The following ABHD12 variants were observed in gnomAD, a reference collection of about 807,000 sequenced individuals.
ABHD12 encodes abhydrolase domain containing 12, lysophospholipase.
ABHD12 carries 43 observed loss-of-function variants against 58.3 expected under a neutral mutation model. The ratio of observed to expected loss-of-function variants is 0.74; its 90% CI spans 0.58 to 0.95. The LOEUF (loss-of-function observed/expected upper bound fraction) is 0.95. Among genes scored for constraint, ABHD12 ranks in the 40% least tolerant of loss-of-function variants. The pLI, the probability that ABHD12 is intolerant of heterozygous loss-of-function variation, is 0.00. For missense variants in ABHD12, 539 were observed against 537.2 expected (o/e 1.00, Z -0.03); for synonymous variants, 219 against 211.2 (o/e 1.04, Z -0.32).
At chr20:25,389,884 GT>G (rs2090145821) in intron 1 of ABHD12, 1 of 152,204 alleles carries the variant, frequency 6.6e-6, no homozygotes, top group South Asian at 2.1e-4. Flanking sequence ...TTCCCCAAAG[GT>G]CCCCGAGTTC....
chr20:25,390,635 G>A lies in ABHD12; in HGVS notation c.69C>T (p.Ser23=), dbSNP rs1054346768. The A allele has an allele frequency of 1.7e-5, 24 of 1,453,100 alleles. No individual in the cohort carries two copies. Among genetic ancestry groups the A allele is most frequent in the Middle Eastern group, 4.5e-4 (2 of 4,404 alleles). 90.0% of individuals were successfully genotyped at this position (1,453,100 alleles called of 1,614,324 possible). ...CGTCCAGCGCCGCGGCGGCCGAGCCGGAGGAGGACGAGCCCGCGGCGGCGC... is the reference window on the plus strand; with the variant it reads ...CGTCCAGCGCCGCGGCGGCCGAGCCAGAGGAGGACGAGCCCGCGGCGGCGC... ...ERCAAAGSSS[S]GSAAAALDAD... The change falls in exon 1 of 13, where the codon TCC becomes TCT. Residue 23 remains serine, a synonymous_variant. Transcript: ENST00000339157.
rs534203605 is a variant in ABHD12 at position 25,300,983 on chromosome 20, A to G, written c.1158-99T>C. 2.1e-5 allele frequency: 28 copies of G among 1,305,632 alleles called. No homozygotes were observed. In the East Asian group the frequency reaches 6.1e-4, roughly 29 times the overall value. The allele number at this position is 1,305,632 out of a possible 1,614,324, so 80.9% of individuals were successfully genotyped here. On this transcript the variant is annotated intron_variant, in intron 12 of 12. Transcript: ENST00000339157. Reference sequence around the variant, plus strand: ...CTATCTAAGGAAGCAGAGGCTGTGCAGAGAGGAGGCAGCCAAGAGCCCCAT... The same window carrying G: ...CTATCTAAGGAAGCAGAGGCTGTGCGGAGAGGAGGCAGCCAAGAGCCCCAT...
At chr20:25,317,293 T>G (rs2088981026) in intron 4 of ABHD12, among the ~76,000 whole-genome samples, 1 of 152,162 alleles carries the variant, frequency 6.6e-6, no homozygotes, top group South Asian at 2.1e-4. Flanking sequence ...TAATGACTGC[T>G]TTTATTTTTC....
At chr20:25,320,116 T>C (rs2089037984) in intron 4 of ABHD12, 83 bp downstream of exon 4, 1 of 1,589,992 alleles carries the variant, frequency 6.3e-7, no homozygotes, top group Non-Finnish European at 8.5e-7. Context: ...CTCCTGCTGG[T>C]TTCCGGCAGA....
chr20:25,302,420 C>T, intron 11 of ABHD12, 74 bp from the exon 12 acceptor site: 3 of 1,588,548 alleles, frequency 1.9e-6, no homozygotes, highest in Non-Finnish European at 2.6e-6. Flanking sequence ...ACCAGCTTGG[C>T]AGCCTCCCCT....
At chr20:25,314,348 A>G (rs2145953061) in intron 6 of ABHD12, among the ~76,000 whole-genome samples, 1 of 152,284 alleles carries the variant, frequency 6.6e-6, no homozygotes, top group East Asian at 1.9e-4. Context: ...TCTGACGTCC[A>G]GCTCTGCAGT....
chr20:25,317,574 T>G (rs2088985826), intron 4 of ABHD12, among the ~76,000 whole-genome samples: 1 of 152,214 alleles, frequency 6.6e-6, no homozygotes, highest in African/African-American at 2.4e-5. Context: ...CACTAACTTC[T>G]GTTTGCTGCT....
intron 1 of ABHD12, among the ~76,000 whole-genome samples, chr20:25,340,333 G>A (rs1156716030): frequency 2.0e-5 from 3 of 152,194 alleles, no homozygotes; most frequent in Non-Finnish European, 4.4e-5. Flanking sequence ...AGTGAGGAGT[G>A]ACATTAACAT....
At chr20:25,341,312 A>G (rs916358289) in intron 1 of ABHD12, among the ~76,000 whole-genome samples, 3 of 152,250 alleles carry the variant, frequency 2.0e-5, no homozygotes, top group Admixed American at 6.5e-5. Context: ...CTGGGCTACC[A>G]GGGACAAGGC....
chr20:25,366,260 T>A (rs554402986), intron 1 of ABHD12, among the ~76,000 whole-genome samples: 1 of 152,040 alleles, frequency 6.6e-6, no homozygotes, highest in Non-Finnish European at 1.5e-5. Context: ...AAAGTCAAAT[T>A]TATTCTAAGT....
At chr20:25,376,354 A>G (rs992685546) in intron 1 of ABHD12, among the ~76,000 whole-genome samples, 2 of 152,216 alleles carry the variant, frequency 1.3e-5, no homozygotes, top group Non-Finnish European at 2.9e-5. Context: ...ATTCAAAAGC[A>G]GTCAGTGTTG....
chr20:25,345,892 A>C (rs1271644873), intron 1 of ABHD12, among the ~76,000 whole-genome samples: 3 of 152,112 alleles, frequency 2.0e-5, no homozygotes, highest in South Asian at 4.1e-4. Flanking sequence ...TCCTCACAAA[A>C]CTACACATAT....
chr20:25,324,460 A>G (rs1011150942), intron 2 of ABHD12, among the ~76,000 whole-genome samples: 2 of 152,220 alleles, frequency 1.3e-5, no homozygotes, highest in Non-Finnish European at 2.9e-5. Flanking sequence ...AAATAAACGC[A>G]TGAACCCTGA....
intron 1 of ABHD12, among the ~76,000 whole-genome samples, chr20:25,360,413 G>C (rs1440928367): frequency 1.3e-5 from 2 of 150,874 alleles, no homozygotes; most frequent in Admixed American, 6.6e-5. Context: ...ACTAATTTTT[G>C]TATTTTTAGT....
At chr20:25,368,035 T>C (rs957903365) in intron 1 of ABHD12, among the ~76,000 whole-genome samples, 1 of 152,280 alleles carries the variant, frequency 6.6e-6, no homozygotes, top group Non-Finnish European at 1.5e-5. Context: ...AGGGTTCCAA[T>C]TTCTCATATC....
At chr20:25,323,108 C>A (rs1195959418) in intron 3 of ABHD12, among the ~76,000 whole-genome samples, 1 of 152,176 alleles carries the variant, frequency 6.6e-6, no homozygotes, top group African/African-American at 2.4e-5. Flanking sequence ...GTTCACAAAG[C>A]CTTTGCTGTT....
At position 25,369,655 on chromosome 20, in the gene ABHD12, A is replaced by G. The variant is rs576419008; in HGVS notation, c.191+20858T>C. Among the ~76,000 whole-genome samples the G allele has an allele frequency of 7.9e-5, 12 of 152,370 alleles. No individual in the cohort carries two copies. In the South Asian group the frequency reaches 2.1e-3, roughly 26 times the overall value. The stretch of plus-strand genomic sequence containing the variant: ...GTTCAAGAGGGTAAGATCCCAAACC[A>G]GGAGTGCCAGTGAGCACTGATGTTG... On this transcript the variant is annotated intron_variant, in intron 1 of 12. Coordinates refer to ENST00000339157, the MANE Select transcript of ABHD12 (RefSeq NM_001042472.3).
chr20:25,331,366 G>A (rs1342411933), intron 2 of ABHD12, among the ~76,000 whole-genome samples: 1 of 152,172 alleles, frequency 6.6e-6, no homozygotes, highest in Non-Finnish European at 1.5e-5. Flanking sequence ...ATGGAACCAA[G>A]TTGGAAAACA....
At chr20:25,361,722 G>A (rs1406669168) in intron 1 of ABHD12, among the ~76,000 whole-genome samples, 1 of 152,156 alleles carries the variant, frequency 6.6e-6, no homozygotes, top group East Asian at 1.9e-4. Context: ...TTGGGAGGCC[G>A]AGACGGGTGG....
Sources: allele counts gnomAD v4.1 joint callset (sites outside exome capture counted in the v4.1 genomes callset), GRCh38; gene constraint gnomAD v4.1.1; transcripts MANE v1.5; gene names NCBI Gene and HGNC (gene_info 2026-07-23, HGNC 2026-07-21).